HIVEP3: variants seen among roughly 807,000 people sequenced by gnomAD.
The protein encoded by HIVEP3 is transcription factor HIVEP3.
HIVEP3 carries 49 observed loss-of-function variants against 152.8 expected under a neutral mutation model. The observed-to-expected ratio is 0.32, with a 90% CI of 0.26 to 0.41. HIVEP3 has a LOEUF of 0.41. Ranked by LOEUF, HIVEP3 falls within the 10% of genes least tolerant of loss-of-function variation. HIVEP3 has a pLI of 1.00. For synonymous variants in HIVEP3, 1,269 were observed against 1,289.0 expected (o/e 0.98, Z 0.33); for missense variants, 2,790 against 3,103.3 (o/e 0.90, Z 2.40).
intron 1 of HIVEP3, among the ~76,000 whole-genome samples, chr1:41,757,151 T>C (rs1326983507): frequency 6.7e-6 from 1 of 148,598 alleles, no homozygotes; most frequent in Non-Finnish European, 1.5e-5. Context: ...AATCTCGCTC[T>C]GTGGCCCAGG....
chr1:41,727,885 G>A (rs561360632), intron 1 of HIVEP3, among the ~76,000 whole-genome samples: 1 of 152,288 alleles, frequency 6.6e-6, no homozygotes, highest in East Asian at 1.9e-4. Flanking sequence ...ACCATCCTGA[G>A]CCCACCACAC....
intron 1 of HIVEP3, among the ~76,000 whole-genome samples, chr1:41,744,048 T>C (rs528354203): frequency 1.7e-5 from 2 of 115,016 alleles, no homozygotes; most frequent in African/African-American, 9.8e-5. Context: ...CATTTTTTTG[T>C]TTTTTTTTTG....
At chr1:41,764,401 A>G (rs1488176563) in intron 1 of HIVEP3, among the ~76,000 whole-genome samples, 1 of 152,236 alleles carries the variant, frequency 6.6e-6, no homozygotes, top group African/African-American at 2.4e-5. Flanking sequence ...GAGTGCCTTC[A>G]CTGATGGGAC....
At chr1:41,998,033 G>C (rs1645405491) in intron 1 of HIVEP3, among the ~76,000 whole-genome samples, 1 of 152,018 alleles carries the variant, frequency 6.6e-6, no homozygotes, top group Non-Finnish European at 1.5e-5. Context: ...GTCAAACTTA[G>C]AGAACTCAGC....
chr1:41,720,139 C>A (rs915919818), intron 1 of HIVEP3, among the ~76,000 whole-genome samples: 1 of 152,132 alleles, frequency 6.6e-6, no homozygotes, highest in African/African-American at 2.4e-5. Flanking sequence ...ATCCTCCCCA[C>A]CCTCCATCTA....
chr1:41,510,819 GGCCTCC>G lies in HIVEP3; in HGVS notation c.6847_6852del (p.Gly2283_Gly2284del). The G allele has an allele frequency of 1.9e-6, 3 of 1,612,642 alleles. No homozygotes were observed. The highest frequency in any genetic ancestry group is 2.5e-6 in the Non-Finnish European group (3 of 1,179,766). Reference sequence around the variant, plus strand: ...GGTGTCCAGTCAGGAGGCCTGCCCGGGCCTCCGCCGGTCCTCTCCCTCTCCTTGGGG... The same window carrying G: ...GGTGTCCAGTCAGGAGGCCTGCCCGGGCCGGTCCTCTCCCTCTCCTTGGGG... On this transcript the variant is annotated inframe_deletion, in exon 9 of 9. Coordinates refer to ENST00000372583, the MANE Select transcript of HIVEP3 (RefSeq NM_024503.5).
At chr1:41,643,503 C>T (rs966564414) in intron 2 of HIVEP3, among the ~76,000 whole-genome samples, 1 of 152,242 alleles carries the variant, frequency 6.6e-6, no homozygotes, top group Non-Finnish European at 1.5e-5. Flanking sequence ...CCACCACTGC[C>T]CTGCCTTCCA....
intron 5 of HIVEP3, among the ~76,000 whole-genome samples, chr1:41,552,271 G>A (rs1192022428): frequency 6.6e-6 from 1 of 151,532 alleles, no homozygotes; most frequent in Non-Finnish European, 1.5e-5. Flanking sequence ...CAACGTGCAG[G>A]TTACTTACAT....
At chr1:41,515,325 C>T (rs947635766) in intron 7 of HIVEP3, among the ~76,000 whole-genome samples, 31 of 152,176 alleles carry the variant, frequency 2.0e-4, no homozygotes, top group Admixed American at 1.4e-3. Flanking sequence ...GGCATTCAGC[C>T]GGATGTAGGT....
At chr1:41,829,680 A>G (rs963547781) in intron 1 of HIVEP3, among the ~76,000 whole-genome samples, 1 of 152,038 alleles carries the variant, frequency 6.6e-6, no homozygotes, top group African/African-American at 2.4e-5. Flanking sequence ...ACAAACTGAT[A>G]AAAACTATGA....
chr1:41,583,067 A>T lies in HIVEP3; in HGVS notation c.1731T>A (p.Ser577Arg). The T allele has an allele frequency of 6.2e-7, 1 of 1,613,728 alleles. No individual in the cohort carries two copies. Among genetic ancestry groups the T allele is most frequent in the East Asian group, 2.2e-5 (1 of 44,854 alleles). The change falls in exon 4 of 9, where the codon AGT (serine) becomes AGA (arginine). Residue 577 changes from serine (S) to arginine (R), a missense_variant. Transcript: ENST00000372583. The surrounding 1 kb of genome is among the most constrained non-coding windows in gnomAD (Gnocchi z 6.9). Reference protein sequence around the residue: ...ITDSEALSHSSHVFTSHPRML... With the variant: ...ITDSEALSHSRHVFTSHPRML... ...TCCGGGGGTGGGAGGTAAACACGTGACTGCTGTGGCTCAGGGCTTCGGAGT... is the reference window on the plus strand; with the variant it reads ...TCCGGGGGTGGGAGGTAAACACGTGTCTGCTGTGGCTCAGGGCTTCGGAGT...
chr1:41,900,078 T>A (rs1644595976), intron 1 of HIVEP3, among the ~76,000 whole-genome samples: 1 of 152,132 alleles, frequency 6.6e-6, no homozygotes, highest in Admixed American at 6.6e-5. Context: ...AATACATATA[T>A]ATATCTCAGA....
At chr1:41,631,141 C>G (rs1242106829) in intron 2 of HIVEP3, among the ~76,000 whole-genome samples, 1 of 152,178 alleles carries the variant, frequency 6.6e-6, no homozygotes, top group Non-Finnish European at 1.5e-5. Context: ...CGTGGCGTGT[C>G]ATATCCACGC....
At chr1:41,788,897 C>T (rs1033629022) in intron 1 of HIVEP3, among the ~76,000 whole-genome samples, 1 of 152,240 alleles carries the variant, frequency 6.6e-6, no homozygotes, top group Non-Finnish European at 1.5e-5. Flanking sequence ...CCTCTGAGGC[C>T]AAATCCTACA....
At chr1:41,587,859 G>C (rs968497393) in intron 3 of HIVEP3, among the ~76,000 whole-genome samples, 1 of 152,184 alleles carries the variant, frequency 6.6e-6, no homozygotes, top group Non-Finnish European at 1.5e-5. Context: ...GGCATGATGC[G>C]CACTGCAGTC....
At chr1:41,544,976 T>C (rs1235055719) in intron 5 of HIVEP3, among the ~76,000 whole-genome samples, 52 of 3,548 alleles carry the variant, frequency 0.015, 6 homozygotes, top group Admixed American at 0.029. Context: ...CCACCACCAC[T>C]ATCACCGCCA....
At chr1:41,836,991 C>T (rs757016964) in intron 1 of HIVEP3, among the ~76,000 whole-genome samples, 1 of 152,234 alleles carries the variant, frequency 6.6e-6, no homozygotes, top group African/African-American at 2.4e-5. Context: ...CTTCTAGGAG[C>T]TTCCCAATAC....
upstream of HIVEP3, among the ~76,000 whole-genome samples, chr1:41,922,974 T>C (rs898965150): frequency 6.6e-6 from 1 of 151,986 alleles, no homozygotes; most frequent in African/African-American, 2.4e-5. Context: ...AAATAGATGA[T>C]GACAAAACAA....
At chr1:41,830,325 T>C (rs1450270997) in intron 1 of HIVEP3, among the ~76,000 whole-genome samples, 2 of 152,224 alleles carry the variant, frequency 1.3e-5, no homozygotes, top group African/African-American at 4.8e-5. Context: ...TAAATGAATA[T>C]TCAAACAAGG....
Sources: gnomAD v4.1 joint callset for allele counts (sites outside exome capture counted in the v4.1 genomes callset) on GRCh38, gnomAD v4.1.1 for gene constraint, Gnocchi (gnomAD v3.1) non-coding constraint, MANE v1.5 for transcripts, NCBI Gene and HGNC (gene_info 2026-07-23, HGNC 2026-07-21) for gene names.